The following VCPIP1 variants were observed in gnomAD, a reference collection of about 807,000 sequenced individuals.
The protein encoded by VCPIP1 is deubiquitinating protein VCPIP1.
VCPIP1 carries 8 observed loss-of-function variants against 85.0 expected under a neutral mutation model. That is an observed-to-expected ratio of 0.09 (90% CI 0.06 to 0.17). The LOEUF (loss-of-function observed/expected upper bound fraction) is 0.17, where lower values mean the gene tolerates loss of function less well. VCPIP1 is among the 10% of genes least tolerant of loss of function. VCPIP1 has a pLI of 1.00. For missense variants in VCPIP1, 1,070 were observed against 1,486.3 expected (o/e 0.72, Z 4.61); for synonymous variants, 543 against 544.5 (o/e 1.00, Z 0.04).
At chr8:66,647,769 T>C (rs559500559) in intron 2 of VCPIP1, among the ~76,000 whole-genome samples, 1 of 152,098 alleles carries the variant, frequency 6.6e-6, no homozygotes, top group Non-Finnish European at 1.5e-5. Context: ...TGGTCATCCA[T>C]ACATTAAAAA....
intron 2 of VCPIP1, among the ~76,000 whole-genome samples, chr8:66,640,896 G>A (rs1305553258): frequency 6.6e-6 from 1 of 152,212 alleles, no homozygotes; most frequent in Non-Finnish European, 1.5e-5. Flanking sequence ...GGATGCCAGA[G>A]AAGAACTTGG....
rs373698694 is a variant in VCPIP1 at position 66,639,282 on chromosome 8, G to A, written c.2798-3910C>T. Among the ~76,000 whole-genome samples the A allele has an allele frequency of 2.0e-5, 3 of 148,288 alleles. No homozygotes were observed. In the East Asian group the frequency reaches 5.9e-4, roughly 29 times the overall value. On this transcript the variant is annotated intron_variant, in intron 2 of 2. Coordinates refer to ENST00000310421, the MANE Select transcript of VCPIP1 (RefSeq NM_025054.5). Reference sequence around the variant, plus strand: ...ATACAGGCATGAGACACCACACCTGGCCGAAAACTTACTATATTTTAAGCC... The same window carrying A: ...ATACAGGCATGAGACACCACACCTGACCGAAAACTTACTATATTTTAAGCC...
At position 66,664,472 on chromosome 8, in the gene VCPIP1, T is replaced by C; in HGVS notation, c.2487A>G (p.Pro829=). 1 of 1,613,976 alleles carries C rather than the reference T, an allele frequency of 6.2e-7. No individual in the cohort carries two copies. The highest frequency in any genetic ancestry group is 1.3e-5 in the African/African-American group (1 of 75,054). Residue 829 remains proline, a synonymous_variant, in exon 1 of 3, where the codon CCA becomes CCG. Transcript: ENST00000310421. ...YGFPPKELMP[P]QAGMEKEPVP... ...CTGGTTCCTTTTCCATTCCTGCCTG[T>C]GGTGGCATTAACTCTTTAGGAGGAA...
chr8:66,642,909 C>G (rs1810961063), intron 2 of VCPIP1, among the ~76,000 whole-genome samples: 1 of 151,786 alleles, frequency 6.6e-6, no homozygotes. Context: ...ATAATCCATC[C>G]TAATTAAATA....
At chr8:66,648,266 C>G (rs982676841) in intron 2 of VCPIP1, among the ~76,000 whole-genome samples, 11 of 152,288 alleles carry the variant, frequency 7.2e-5, no homozygotes, top group Admixed American at 7.2e-4. Context: ...CACATTTTTT[C>G]TGTATAGGGC....
chr8:66,652,038 G>A (rs373310511), intron 1 of VCPIP1, among the ~76,000 whole-genome samples: 17 of 151,446 alleles, frequency 1.1e-4, no homozygotes, highest in African/African-American at 3.4e-4. Context: ...ATAGCTGGAC[G>A]TGGTGGCATG....
chr8:66,645,784 A>G (rs1024373772), intron 2 of VCPIP1, among the ~76,000 whole-genome samples: 2 of 146,016 alleles, frequency 1.4e-5, no homozygotes, highest in Admixed American at 6.8e-5. Context: ...AAAAAAAATT[A>G]GCAGGGCGTG....
intron 2 of VCPIP1, among the ~76,000 whole-genome samples, chr8:66,645,852 C>T (rs1438458008): frequency 6.6e-6 from 1 of 151,810 alleles, no homozygotes; most frequent in Non-Finnish European, 1.5e-5. Flanking sequence ...ATCAACTGAG[C>T]CAGGTAGGTC....
At chr8:66,643,342 G>GT (rs1165845223) in intron 2 of VCPIP1, among the ~76,000 whole-genome samples, 8 of 148,290 alleles carry the variant, frequency 5.4e-5, no homozygotes, top group Non-Finnish European at 1.0e-4. Flanking sequence ...AAAAAAAGAT[G>GT]TTAAAAAAAA....
At chr8:66,647,882 C>A (rs1047358377) in intron 2 of VCPIP1, among the ~76,000 whole-genome samples, 1 of 152,088 alleles carries the variant, frequency 6.6e-6, no homozygotes, top group Non-Finnish European at 1.5e-5. Flanking sequence ...GAAAAAAACA[C>A]AATTGATTCT....
intron 1 of VCPIP1, 125 bp from the exon 2 acceptor site, chr8:66,651,669 C>CA: frequency 1.5e-6 from 1 of 661,924 alleles, no homozygotes; most frequent in Non-Finnish European, 2.5e-6. Context: ...AACAGCCTGA[C>CA]ACGCCATAGA....
At chr8:66,649,232 C>T (rs1811028597) in intron 2 of VCPIP1, among the ~76,000 whole-genome samples, 1 of 152,046 alleles carries the variant, frequency 6.6e-6, no homozygotes, top group African/African-American at 2.4e-5. Context: ...TGCAGTAGCT[C>T]ATGCTTGTAA....
Position 66,665,102 on chromosome 8 carries a change from A to G in VCPIP1, c.1857T>C (p.Asn619=). 1 of 1,613,728 alleles carries G rather than the reference A, an allele frequency of 6.2e-7. No homozygotes were observed. The highest frequency in any genetic ancestry group is 8.5e-7 in the Non-Finnish European group (1 of 1,179,710). The change falls in exon 1 of 3, where the codon AAT becomes AAC. Residue 619 remains asparagine, a synonymous_variant. Transcript: ENST00000310421. The surrounding 1 kb of genome is among the most constrained non-coding windows in gnomAD (Gnocchi z 4.3). ...TCATTGCAACATCGTAAACATTACT[A>G]TTCAAAGATGAATCACTTTCATACT... ...WFQYESDSSL[N]SNVYDVAMKL...
At chr8:66,651,661 CA>C in intron 1 of VCPIP1, 117 bp from the exon 2 acceptor site, 1 of 688,510 alleles carries the variant, frequency 1.5e-6, no homozygotes. Context: ...ATGAGTGAAA[CA>C]GCCTGACACG....
At chr8:66,640,733 G>C (rs1200489737) in intron 2 of VCPIP1, among the ~76,000 whole-genome samples, 1 of 152,072 alleles carries the variant, frequency 6.6e-6, no homozygotes, top group African/African-American at 2.4e-5. Flanking sequence ...TCAGGGAAGA[G>C]TTTGGCCGGG....
intron 1 of VCPIP1, among the ~76,000 whole-genome samples, chr8:66,663,114 G>A (rs6472281): frequency 0.012 from 1,429 of 121,500 alleles, 10 homozygotes; most frequent in Middle Eastern, 0.026. Flanking sequence ...AAAAAAAAAA[G>A]AAAAAAAAAA....
chr8:66,665,617 C>T lies in VCPIP1; in HGVS notation c.1342G>A (p.Val448Ile), dbSNP rs987233108. The change falls in exon 1 of 3, where the codon GTT (valine) becomes ATT (isoleucine). Residue 448 changes from valine to isoleucine, a missense_variant. By Grantham distance (29) the Val-to-Ile change is conservative. Transcript: ENST00000310421. The surrounding 1 kb of genome is among the most constrained non-coding windows in gnomAD (Gnocchi z 4.3). ...GCTGCTGTGACTTCCTCAGGCTGAACTCCTATCACTCCAGTCCTTCTGTAG... is the reference window on the plus strand; with the variant it reads ...GCTGCTGTGACTTCCTCAGGCTGAATTCCTATCACTCCAGTCCTTCTGTAG... ...YFYRRTGVIG[V>I]QPEEVTAAAK... 2.5e-6 allele frequency: 4 copies of T among 1,614,078 alleles called. No individual in the cohort carries two copies. Among genetic ancestry groups the T allele is most frequent in the Non-Finnish European group, 3.4e-6 (4 of 1,180,040 alleles).
chr8:66,654,090 T>C (rs570903087), intron 1 of VCPIP1, among the ~76,000 whole-genome samples: 1 of 152,316 alleles, frequency 6.6e-6, no homozygotes, highest in South Asian at 2.1e-4. Flanking sequence ...AAATAACTCT[T>C]CCAAGATCAC....
chr8:66,664,468 C>T lies in VCPIP1; in HGVS notation c.2491G>A (p.Ala831Thr). 1 of 1,613,860 alleles carries T rather than the reference C, an allele frequency of 6.2e-7. No homozygotes were observed. The highest frequency in any genetic ancestry group is 2.2e-5 in the East Asian group (1 of 44,890). The change falls in exon 1 of 3, where the codon GCA (alanine) becomes ACA (threonine). Residue 831 changes from alanine (A) to threonine (T), a missense_variant. Coordinates refer to ENST00000310421, the MANE Select transcript of VCPIP1 (RefSeq NM_025054.5). ...FPPKELMPPQ[A>T]GMEKEPVPLQ... ...GGAACTGGTTCCTTTTCCATTCCTG[C>T]CTGTGGTGGCATTAACTCTTTAGGA...
Sources: gnomAD v4.1 joint callset for allele counts (sites outside exome capture counted in the v4.1 genomes callset) on GRCh38, gnomAD v4.1.1 for gene constraint, Gnocchi (gnomAD v3.1) non-coding constraint, MANE v1.5 for transcripts, NCBI Gene and HGNC (gene_info 2026-07-23, HGNC 2026-07-21) for gene names.